The following HS6ST3 variants were observed in gnomAD, a reference collection of about 807,000 sequenced individuals.
HS6ST3 encodes heparan sulfate 6-O-sulfotransferase 3.
HS6ST3 carries 12 observed loss-of-function variants against 36.7 expected under a neutral mutation model. That is an observed-to-expected ratio of 0.33 (90% CI 0.21 to 0.53). The LOEUF (loss-of-function observed/expected upper bound fraction) is 0.53, where lower values mean the gene tolerates loss of function less well. Ranked by LOEUF, HS6ST3 falls within the 20% of genes least tolerant of loss-of-function variation. The probability of loss-of-function intolerance (pLI) is 0.95; values close to 1 mark genes in which losing one functional copy is unlikely to be tolerated. For synonymous variants in HS6ST3, 240 were observed against 257.5 expected, an observed-to-expected ratio of 0.93 and a Z score of 0.65; for missense variants, 584 against 640.9, an observed-to-expected ratio of 0.91 and a Z score of 0.96.
chr13:96,770,008 T>C (rs61968184), intron 1 of HS6ST3, among the ~76,000 whole-genome samples: 13,317 of 152,218 alleles, frequency 0.087, 695 homozygotes, highest in East Asian at 0.25. Context: ...AATATTTCTT[T>C]CTGCATTTTG....
At chr13:96,608,571 G>A (rs772673111) in intron 1 of HS6ST3, among the ~76,000 whole-genome samples, 11 of 152,116 alleles carry the variant, frequency 7.2e-5, no homozygotes, top group Non-Finnish European at 1.3e-4. Context: ...TGTAAAATCC[G>A]GATTCTGGAA....
At chr13:96,305,577 T>G (rs2054908036) in intron 1 of HS6ST3, among the ~76,000 whole-genome samples, 1 of 152,158 alleles carries the variant, frequency 6.6e-6, no homozygotes, top group Admixed American at 6.5e-5. Context: ...ATGTACATTT[T>G]TTACATTATT....
At chr13:96,319,023 C>T (rs980000417) in intron 1 of HS6ST3, among the ~76,000 whole-genome samples, 3 of 152,138 alleles carry the variant, frequency 2.0e-5, no homozygotes, top group African/African-American at 7.2e-5. Flanking sequence ...TTAGTCTATT[C>T]ACAGAGTTGT....
intron 1 of HS6ST3, among the ~76,000 whole-genome samples, chr13:96,628,254 C>T (rs1164462584): frequency 6.6e-6 from 1 of 151,816 alleles, no homozygotes; most frequent in Non-Finnish European, 1.5e-5. Context: ...TCCGTTATTT[C>T]CTCTATAATC....
Position 96,254,448 on chromosome 13 carries a change from AATATATATATATATAT to A in HS6ST3, c.707+162915_707+162930del, listed in dbSNP as rs869064004. Reference sequence around the variant, plus strand: ...AAAAAAAAAAAAAAAAAAAAAAAAAAATATATATATATATATATATATATATATATATATATATATA... The same window carrying A: ...AAAAAAAAAAAAAAAAAAAAAAAAAAATATATATATATATATATATATATA... On this transcript the variant is annotated intron_variant, in intron 1 of 1. Coordinates refer to ENST00000376705, the MANE Select transcript of HS6ST3 (RefSeq NM_153456.4). Among the ~76,000 whole-genome samples, 23 of 16,524 alleles carry A rather than the reference AATATATATATATATAT, an allele frequency of 1.4e-3. 1 individual carries two copies. The highest frequency in any genetic ancestry group is 3.7e-3 in the African/African-American group (17 of 4,614). 10.8% of individuals were successfully genotyped at this position (16,524 alleles called of 152,430 possible). A position where few individuals can be genotyped will look rare whatever the true frequency, so the allele number is the denominator to read the frequency against.
At chr13:96,803,435 A>G (rs1878129612) in intron 1 of HS6ST3, among the ~76,000 whole-genome samples, 1 of 152,176 alleles carries the variant, frequency 6.6e-6, no homozygotes, top group Non-Finnish European at 1.5e-5. Flanking sequence ...ATGGGCCCAT[A>G]TTCCTAACTT....
At chr13:96,599,568 A>G (rs2056414180) in intron 1 of HS6ST3, among the ~76,000 whole-genome samples, 1 of 150,346 alleles carries the variant, frequency 6.7e-6, no homozygotes, top group South Asian at 2.1e-4. Context: ...CAATTTTTTT[A>G]TCTTTCCAAA....
intron 1 of HS6ST3, among the ~76,000 whole-genome samples, chr13:96,221,703 C>A (rs768804376): frequency 6.6e-6 from 1 of 152,074 alleles, no homozygotes; most frequent in East Asian, 1.9e-4. Context: ...CTGCAAAAAT[C>A]TCATATATCA....
At chr13:96,325,925 CAG>C (rs1472865895) in intron 1 of HS6ST3, among the ~76,000 whole-genome samples, 2 of 152,050 alleles carry the variant, frequency 1.3e-5, no homozygotes, top group African/African-American at 4.8e-5. Context: ...AATATATACA[CAG>C]AACTGTATTT....
At chr13:96,150,661 A>G (rs912468544) in intron 1 of HS6ST3, among the ~76,000 whole-genome samples, 1 of 152,150 alleles carries the variant, frequency 6.6e-6, no homozygotes, top group African/African-American at 2.4e-5. Flanking sequence ...TCAAGCAGTA[A>G]TAACATTGGA....
intron 1 of HS6ST3, among the ~76,000 whole-genome samples, chr13:96,199,784 G>T (rs1180547751): frequency 6.6e-6 from 1 of 151,948 alleles, no homozygotes; most frequent in Non-Finnish European, 1.5e-5. Flanking sequence ...TCATTTTTTG[G>T]CTAGAGAAAA....
intron 1 of HS6ST3, among the ~76,000 whole-genome samples, chr13:96,188,026 T>C (rs550725572): frequency 1.3e-5 from 2 of 152,284 alleles, no homozygotes; most frequent in African/African-American, 4.8e-5. Context: ...TTACCTAGGG[T>C]ATACTGGTAT....
At chr13:96,454,402 A>G (rs2055744818) in intron 1 of HS6ST3, among the ~76,000 whole-genome samples, 3 of 152,190 alleles carry the variant, frequency 2.0e-5, no homozygotes, top group Admixed American at 2.0e-4. Context: ...TAGTACTATG[A>G]AAATTTGATT....
chr13:96,789,819 T>C (rs1877738597), intron 1 of HS6ST3, among the ~76,000 whole-genome samples: 1 of 151,940 alleles, frequency 6.6e-6, no homozygotes, highest in South Asian at 2.1e-4. Context: ...TACAATACTT[T>C]TATCAGGTTG....
At chr13:96,304,457 A>C (rs1191124928) in intron 1 of HS6ST3, among the ~76,000 whole-genome samples, 2 of 152,112 alleles carry the variant, frequency 1.3e-5, no homozygotes, top group African/African-American at 4.8e-5. Context: ...ATTAGTGCCA[A>C]GGCCTAATCA....
chr13:96,588,226 T>C (rs2056369188), intron 1 of HS6ST3, among the ~76,000 whole-genome samples: 1 of 151,970 alleles, frequency 6.6e-6, no homozygotes, highest in African/African-American at 2.4e-5. Flanking sequence ...CCTTTTTTTT[T>C]CTTGCTTAAC....
At chr13:96,532,915 T>C (rs2056141354) in intron 1 of HS6ST3, among the ~76,000 whole-genome samples, 1 of 152,068 alleles carries the variant, frequency 6.6e-6, no homozygotes, top group East Asian at 1.9e-4. Flanking sequence ...GCATAGACAA[T>C]CATATTCTCA....
In HS6ST3 at chr13:96,835,604, G is replaced by GACACACAC. The variant is rs113563720; in HGVS notation, c.*2430_*2437dup. On this transcript the variant is annotated 3_prime_UTR_variant, in exon 2 of 2. Transcript: ENST00000376705. Reference sequence around the variant, plus strand: ...AAATTATCCTTCTGCCTGCCCCTGTGACACACACACACACACACACACACA... The same window carrying GACACACAC: ...AAATTATCCTTCTGCCTGCCCCTGTGACACACACACACACACACACACACACACACACA... 0.25 allele frequency: 36,905 copies of GACACACAC among 148,404 alleles called. 4,645 individuals carry two copies. The highest frequency in any genetic ancestry group is 0.36 in the East Asian group (1,835 of 5,038). The allele number at this position is 148,404 out of a possible 1,614,324, so 9.2% of individuals were successfully genotyped here.
chr13:96,450,933 C>T (rs2055724758), intron 1 of HS6ST3, among the ~76,000 whole-genome samples: 1 of 152,046 alleles, frequency 6.6e-6, no homozygotes, highest in South Asian at 2.1e-4. Flanking sequence ...CCCTTCAAAC[C>T]CCTATGTGAA....
Sources: gnomAD v4.1 joint callset for allele counts (sites outside exome capture counted in the v4.1 genomes callset) on GRCh38, gnomAD v4.1.1 for gene constraint, MANE v1.5 for transcripts, NCBI Gene and HGNC (gene_info 2026-07-23, HGNC 2026-07-21) for gene names.